GLT8D2: variants seen among roughly 807,000 people sequenced by gnomAD.
GLT8D2 encodes the protein glycosyltransferase 8 domain-containing protein 2.
In GLT8D2, 45 loss-of-function variants were observed where a neutral mutation model predicts 44.5. The ratio of observed to expected loss-of-function variants is 1.01; its 90% CI spans 0.80 to 1.30. The LOEUF is 1.30. GLT8D2 is among the 50% of genes most tolerant of loss of function. The pLI is 0.00. For synonymous variants in GLT8D2, 156 were observed against 157.2 expected, an observed-to-expected ratio of 0.99 and a Z score of 0.06; for missense variants, 400 against 430.4, an observed-to-expected ratio of 0.93 and a Z score of 0.62.
At chr12:104,016,857 A>AG (rs1491437879) in intron 3 of GLT8D2, among the ~76,000 whole-genome samples, 1 of 150,930 alleles carries the variant, frequency 6.6e-6, no homozygotes, top group African/African-American at 2.4e-5. Flanking sequence ...AAAGAAAGAA[A>AG]GAAAGAAAGA....
At chr12:104,052,723 C>CTTCTCTCT (rs1881827668), upstream of GLT8D2, among the ~76,000 whole-genome samples, 2 of 152,120 alleles carry the variant, frequency 1.3e-5, no homozygotes, top group South Asian at 4.2e-4. Flanking sequence ...TGCCCCTCCT[C>CTTCTCTCT]TTCTCTCTTT....
At chr12:104,033,099 C>A (rs2136440449) in intron 1 of GLT8D2, among the ~76,000 whole-genome samples, 1 of 152,238 alleles carries the variant, frequency 6.6e-6, no homozygotes, top group South Asian at 2.1e-4. Context: ...CCAGGCTGGT[C>A]TCCAACTCCT....
chr12:104,011,229 A>G (rs1484459627), intron 4 of GLT8D2, among the ~76,000 whole-genome samples: 1 of 152,250 alleles, frequency 6.6e-6, no homozygotes, highest in Non-Finnish European at 1.5e-5. Flanking sequence ...TTTAGGAATT[A>G]TCTGCTCCAT....
At chr12:104,042,642 A>C (rs1254008876) in intron 1 of GLT8D2, among the ~76,000 whole-genome samples, 1 of 152,180 alleles carries the variant, frequency 6.6e-6, no homozygotes, top group Non-Finnish European at 1.5e-5. Flanking sequence ...CAAGGAAGTG[A>C]TGCTGGACAG....
chr12:104,037,687 T>C (rs1016605424), intron 1 of GLT8D2, among the ~76,000 whole-genome samples: 3 of 152,184 alleles, frequency 2.0e-5, no homozygotes, highest in African/African-American at 4.8e-5. Context: ...CAGGACCAGA[T>C]GGATTCACAG....
intron 3 of GLT8D2, 52 bp downstream of exon 3, chr12:104,019,578 C>A: frequency 6.9e-7 from 1 of 1,443,178 alleles, no homozygotes; most frequent in South Asian, 1.2e-5. Context: ...GCCTCAAAAC[C>A]ATCCTCCCAA....
At chr12:104,016,821 G>GAAAGA (rs1182166712) in intron 3 of GLT8D2, among the ~76,000 whole-genome samples, 1 of 75,496 alleles carries the variant, frequency 1.3e-5, no homozygotes, top group Non-Finnish European at 2.6e-5. Context: ...GAAAGAAAGA[G>GAAAGA]AAAGAAAAGA....
At chr12:104,003,100 A>T (rs375561392) in intron 5 of GLT8D2, 35 bp downstream of exon 5, 349 of 1,575,520 alleles carry the variant, frequency 2.2e-4, no homozygotes, top group Non-Finnish European at 2.8e-4. Flanking sequence ...GGGGAAGGAA[A>T]CAGAAAGTGC....
upstream of GLT8D2, among the ~76,000 whole-genome samples, chr12:104,051,084 G>C (rs1241582481): frequency 6.6e-6 from 1 of 151,740 alleles, no homozygotes; most frequent in African/African-American, 2.4e-5. Context: ...AAAGTGCTGG[G>C]ATTACAGGCG....
chr12:104,003,046 A>G, intron 5 of GLT8D2, 89 bp downstream of exon 5: 6 of 946,352 alleles, frequency 6.3e-6, no homozygotes, highest in Non-Finnish European at 9.6e-6. Context: ...AAGAAAGAAA[A>G]GAAGAAGAAG....
At chr12:104,029,450 G>C (rs1418770752) in intron 1 of GLT8D2, among the ~76,000 whole-genome samples, 1 of 152,142 alleles carries the variant, frequency 6.6e-6, no homozygotes, top group African/African-American at 2.4e-5. Flanking sequence ...TTGATAGTAG[G>C]AGACACATAC....
At chr12:104,032,831 A>C (rs1879467494) in intron 1 of GLT8D2, among the ~76,000 whole-genome samples, 1 of 87,652 alleles carries the variant, frequency 1.1e-5, no homozygotes, top group Non-Finnish European at 2.6e-5. Context: ...AAAGGAAAGA[A>C]AATCAGTATC....
chr12:104,017,590 T>G (rs11612462), intron 3 of GLT8D2, among the ~76,000 whole-genome samples: 21,373 of 152,216 alleles, frequency 0.14, 1,719 homozygotes, highest in South Asian at 0.22. Context: ...CCCAAAGTGC[T>G]GGAATTACAG....
chr12:103,997,186 T>C (rs1046124343), intron 7 of GLT8D2, among the ~76,000 whole-genome samples: 78 of 152,332 alleles, frequency 5.1e-4, no homozygotes, highest in African/African-American at 1.8e-3. Flanking sequence ...ACACTTTATT[T>C]CCGTACATTA....
intron 4 of GLT8D2, among the ~76,000 whole-genome samples, chr12:104,007,266 C>CTCTCTCTCTCTCT (rs1555277856): frequency 7.5e-6 from 1 of 133,346 alleles, no homozygotes. Context: ...CTCTCTCTCT[C>CTCTCTCTCTCTCT]CCCCCGCTCT....
intron 1 of GLT8D2, among the ~76,000 whole-genome samples, chr12:104,021,962 A>G (rs1324572278): frequency 3.9e-4 from 20 of 51,364 alleles, no homozygotes; most frequent in South Asian, 8.5e-4. Flanking sequence ...AAGAGGAAGA[A>G]GAGGAAGAGG....
At chr12:103,998,271 GTTGCCCA>G (rs1421632661) in intron 6 of GLT8D2, among the ~76,000 whole-genome samples, 1 of 145,256 alleles carries the variant, frequency 6.9e-6, no homozygotes, top group Non-Finnish European at 1.5e-5. Flanking sequence ...GTCTCTCTCT[GTTGCCCA>G]GGCTGGAGTG....
At chr12:104,001,569 C>T (rs150906549) in intron 5 of GLT8D2, among the ~76,000 whole-genome samples, 17 of 152,288 alleles carry the variant, frequency 1.1e-4, no homozygotes, top group African/African-American at 4.1e-4. Flanking sequence ...TTTTTGCCAA[C>T]CTGATGAGTG....
intron 6 of GLT8D2, 55 bp downstream of exon 6, chr12:103,999,342 C>T: frequency 1.0e-6 from 1 of 972,920 alleles, no homozygotes; most frequent in East Asian, 2.4e-5. Flanking sequence ...CACTCCTTTA[C>T]TGAACAAAGG....
Sources: allele counts gnomAD v4.1 joint callset (sites outside exome capture counted in the v4.1 genomes callset), GRCh38; gene constraint gnomAD v4.1.1; transcripts MANE v1.5; gene names NCBI Gene and HGNC (gene_info 2026-07-23, HGNC 2026-07-21).